Variants in PCDHGA4 observed in about 807,000 individuals in gnomAD.
The protein encoded by PCDHGA4 is protocadherin gamma-A4.
Under a neutral mutation model 54.6 loss-of-function variants are expected in PCDHGA4, and 38 were observed. That is an observed-to-expected ratio of 0.70 (90% CI 0.54 to 0.91). The LOEUF is 0.91. PCDHGA4 is among the 40% of genes least tolerant of loss of function. The pLI is 0.00. For synonymous variants in PCDHGA4, 511 were observed against 512.9 expected, an observed-to-expected ratio of 1.00 and a Z score of 0.05; for missense variants, 1,298 against 1,220.9, an observed-to-expected ratio of 1.06 and a Z score of -0.94.
At chr5:141,378,267 G>C (rs747573302) in intron 1 of PCDHGA4, 4 of 152,292 alleles carry the variant, frequency 2.6e-5, no homozygotes, top group Non-Finnish European at 5.9e-5. Context: ...GCTCATGCCT[G>C]TAATCCCAAC....
At chr5:141,479,590 A>T (rs2099500448) in intron 1 of PCDHGA4, 1 of 152,182 alleles carries the variant, frequency 6.6e-6, no homozygotes, top group Non-Finnish European at 1.5e-5. Context: ...TAGCCACTGC[A>T]CTCCAGCCTA....
rs376101780 is a variant in PCDHGA4, at chr5:141,485,901, A to G, written c.2515-8906A>G. 3 of 1,614,026 alleles carry G rather than the reference A, an allele frequency of 1.9e-6. No homozygotes were observed. In the African/African-American group the frequency reaches 4.0e-5, roughly 22 times the overall value. Reference sequence around the variant, plus strand: ...GTAAACGACAACGCCCCAGCCTTCCAGCAATCCAGCTACAGGATTAGTGTG... The same window carrying G: ...GTAAACGACAACGCCCCAGCCTTCCGGCAATCCAGCTACAGGATTAGTGTG... On this transcript the variant is annotated intron_variant, in intron 1 of 3. Coordinates refer to ENST00000571252, the MANE Select transcript of PCDHGA4 (RefSeq NM_018917.4). This position sits in a 1 kb window ranked among gnomAD's most constrained non-coding sequence, Gnocchi z 5.7.
intron 1 of PCDHGA4, chr5:141,409,914 G>C: frequency 6.2e-7 from 1 of 1,613,348 alleles, no homozygotes; most frequent in East Asian, 2.2e-5. Context: ...GGTCCTGACG[G>C]CTCCGCGTTC....
In PCDHGA4 at chr5:141,388,840, C is replaced by A. The variant is rs764876092; in HGVS notation, c.2514+31219C>A. The stretch of plus-strand genomic sequence containing the variant: ...AAAGAATATTCCATAGTTTTGGAAG[C>A]AAGGGACGGTGGAGGAATGATTGCG... On this transcript the variant is annotated intron_variant, in intron 1 of 3. Coordinates refer to ENST00000571252, the MANE Select transcript of PCDHGA4 (RefSeq NM_018917.4). 4 of 1,613,900 alleles carry A rather than the reference C, an allele frequency of 2.5e-6. No homozygotes were observed. The South Asian group carries it at 4.4e-5, about 18-fold the overall frequency.
chr5:141,370,950 C>T (rs78666647), intron 1 of PCDHGA4: 61,748 of 1,613,994 alleles, frequency 0.038, 1,384 homozygotes, highest in Middle Eastern at 0.054. Flanking sequence ...GAAGGAGAAC[C>T]TGGATGGCAG....
rs145936007 is a variant in PCDHGA4, at chr5:141,490,795, C to T, written c.2515-4012C>T. 2.0e-5 allele frequency: 33 copies of T among 1,614,036 alleles called. No homozygotes were observed. Among genetic ancestry groups the T allele is most frequent in the Non-Finnish European group, 2.8e-5 (33 of 1,179,922 alleles). ...CCCAGAGGATGGACGGATCTTTGCC[C>T]AGCGTACCTTTGACTATGAATTGCT... On this transcript the variant is annotated intron_variant, in intron 1 of 3. Coordinates refer to ENST00000571252, the MANE Select transcript of PCDHGA4 (RefSeq NM_018917.4). This position sits in a 1 kb window ranked among gnomAD's most constrained non-coding sequence, Gnocchi z 5.4.
At chr5:141,424,297 A>G (rs2096812591) in intron 1 of PCDHGA4, 1 of 152,466 alleles carries the variant, frequency 6.6e-6, no homozygotes, top group African/African-American at 2.4e-5. Flanking sequence ...TCTTCATCCT[A>G]TCAACACAGA....
chr5:141,418,840 C>A, intron 1 of PCDHGA4: 1 of 1,614,006 alleles, frequency 6.2e-7, no homozygotes, highest in Non-Finnish European at 8.5e-7. Context: ...GAGGATCTCT[C>A]TCAACACGGT....
At chr5:141,436,691 A>G (rs2097840863) in intron 1 of PCDHGA4, among the ~76,000 whole-genome samples, 1 of 152,226 alleles carries the variant, frequency 6.6e-6, no homozygotes, top group Admixed American at 6.5e-5. Context: ...TATATTTTCA[A>G]TGCCAGCACA....
At chr5:141,478,765 C>T in intron 1 of PCDHGA4, 1 of 1,508,614 alleles carries the variant, frequency 6.6e-7, no homozygotes, top group Non-Finnish European at 8.9e-7. Context: ...AGATACTTGA[C>T]TCATCTGTGG....
intron 1 of PCDHGA4, chr5:141,374,195 G>T (rs1770254935): frequency 1.2e-6 from 2 of 1,613,752 alleles, no homozygotes; most frequent in East Asian, 2.2e-5. Context: ...TATTCCCGAG[G>T]AGCTGGAGAA....
At chr5:141,367,696 AG>A (rs574151601) in intron 1 of PCDHGA4, 1 of 152,176 alleles carries the variant, frequency 6.6e-6, no homozygotes, top group Non-Finnish European at 1.5e-5. Flanking sequence ...ATCAGTGTAA[AG>A]GAACCTTAAG....
At chr5:141,398,811 C>G in intron 1 of PCDHGA4, 1 of 1,613,980 alleles carries the variant, frequency 6.2e-7, no homozygotes. Context: ...CCACTGAGCT[C>G]CGGATCCAGG....
At chr5:141,461,592 A>G (rs777372149) in intron 1 of PCDHGA4, among the ~76,000 whole-genome samples, 4 of 152,148 alleles carry the variant, frequency 2.6e-5, no homozygotes, top group African/African-American at 2.4e-5. Flanking sequence ...TTATATTTCC[A>G]TTATAATTTA....
intron 1 of PCDHGA4, among the ~76,000 whole-genome samples, chr5:141,482,791 G>T (rs1039924143): frequency 2.6e-5 from 4 of 152,168 alleles, no homozygotes; most frequent in African/African-American, 9.7e-5. Flanking sequence ...TGTGTGTGTG[G>T]CCGGGTACGG....
intron 1 of PCDHGA4, chr5:141,370,324 C>A: frequency 7.3e-7 from 1 of 1,378,620 alleles, no homozygotes. Flanking sequence ...TGGTCCTGCT[C>A]GGAGAACTCT....
chr5:141,465,048 A>AT (rs905091014), intron 1 of PCDHGA4, among the ~76,000 whole-genome samples: 18 of 151,226 alleles, frequency 1.2e-4, no homozygotes, highest in African/African-American at 4.4e-4. Context: ...GACCCTATAT[A>AT]TTTTTTTGAA....
At chr5:141,374,163 C>A (rs764323551) in intron 1 of PCDHGA4, 1 of 1,612,604 alleles carries the variant, frequency 6.2e-7, no homozygotes, top group East Asian at 2.2e-5. Flanking sequence ...TGGGGGGCCG[C>A]GGCAGCGCAG....
At position 141,407,205 on chromosome 5, in the gene PCDHGA4, C is replaced by T. The variant is rs146299905; in HGVS notation, c.2514+49584C>T. 1.4e-3 allele frequency among the ~76,000 whole-genome samples: 213 copies of T among 152,308 alleles called. 1 individual carries two copies. Among genetic ancestry groups the T allele is most frequent in the African/African-American group, 4.8e-3 (199 of 41,572 alleles). On this transcript the variant is annotated intron_variant, in intron 1 of 3. Coordinates refer to ENST00000571252, the MANE Select transcript of PCDHGA4 (RefSeq NM_018917.4). ...ATTTTAATTATTTCAAACACGTTTTCCCCCTTAAGTGGGTAGCAAAAAAAA... is the reference window on the plus strand; with the variant it reads ...ATTTTAATTATTTCAAACACGTTTTTCCCCTTAAGTGGGTAGCAAAAAAAA...
Sources: gnomAD v4.1 joint callset for allele counts (sites outside exome capture counted in the v4.1 genomes callset) on GRCh38, gnomAD v4.1.1 for gene constraint, Gnocchi (gnomAD v3.1) non-coding constraint, MANE v1.5 for transcripts, NCBI Gene and HGNC (gene_info 2026-07-23, HGNC 2026-07-21) for gene names.